The following ZSCAN25 variants were observed in gnomAD, a reference collection of about 807,000 sequenced individuals.
ZSCAN25 encodes zinc finger and SCAN domain containing 25, also known as zinc finger and SCAN domain-containing protein 25.
Under a neutral mutation model 38.7 loss-of-function variants are expected in ZSCAN25, and 27 were observed. The observed-to-expected ratio is 0.70, with a 90% CI of 0.51 to 0.96. ZSCAN25 has a LOEUF of 0.96. Ranked by LOEUF, ZSCAN25 falls within the 40% of genes least tolerant of loss-of-function variation. The probability of loss-of-function intolerance (pLI) is 0.00; values close to 1 mark genes in which losing one functional copy is unlikely to be tolerated. For missense variants in ZSCAN25, 637 were observed against 705.9 expected (o/e 0.90, Z 1.11); for synonymous variants, 273 against 277.7 (o/e 0.98, Z 0.17).
the ZSCAN25 span, among the ~76,000 whole-genome samples, chr7:99,716,125 A>G: frequency 6.6e-6 from 1 of 152,194 alleles, no homozygotes; most frequent in East Asian, 1.9e-4. Context: ...GAGACACTCA[A>G]CTGAGTTAGA....
the ZSCAN25 span, among the ~76,000 whole-genome samples, chr7:99,649,563 AG>A: frequency 6.6e-6 from 1 of 152,024 alleles, no homozygotes; most frequent in South Asian, 2.1e-4. Flanking sequence ...AGAACTAATC[AG>A]GGGTTCACCC....
chr7:99,662,682 A>C, the ZSCAN25 span: 1 of 824,588 alleles, frequency 1.2e-6, no homozygotes, highest in Non-Finnish European at 1.9e-6. The surrounding 1 kb of genome is among the most constrained non-coding windows in gnomAD (Gnocchi z 4.3). Context: ...TACCATTTAT[A>C]ACATCTAAAT....
chr7:99,735,230 G>A, the ZSCAN25 span: 198 of 1,217,178 alleles, frequency 1.6e-4, 2 homozygotes, highest in South Asian at 2.3e-3. Context: ...TTTATATGCT[G>A]GAGAAGGAGG....
the ZSCAN25 span, among the ~76,000 whole-genome samples, chr7:99,670,136 G>C: frequency 1.3e-5 from 2 of 152,110 alleles, no homozygotes; most frequent in African/African-American, 4.8e-5. Flanking sequence ...GTTAAGTCAA[G>C]GCAAAATGTA....
chr7:99,730,859 A>G, the ZSCAN25 span: 1 of 619,812 alleles, frequency 1.6e-6, no homozygotes, highest in African/African-American at 1.9e-5. Context: ...GGGCTGTCCA[A>G]CTGAGGCAAA....
chr7:99,721,339 A>G, the ZSCAN25 span, among the ~76,000 whole-genome samples: 1 of 152,232 alleles, frequency 6.6e-6, no homozygotes, highest in Non-Finnish European at 1.5e-5. Flanking sequence ...TGGTTTCCCA[A>G]TCTGTTTCTC....
the ZSCAN25 span, among the ~76,000 whole-genome samples, chr7:99,694,995 C>A: frequency 4.7e-5 from 7 of 147,854 alleles, no homozygotes; most frequent in East Asian, 2.0e-4. Flanking sequence ...AAAAAAAAAA[C>A]CACAAATTCA....
the ZSCAN25 span, among the ~76,000 whole-genome samples, chr7:99,667,966 C>T: frequency 6.6e-6 from 1 of 152,060 alleles, no homozygotes; most frequent in Non-Finnish European, 1.5e-5. Flanking sequence ...AAATAAAAGG[C>T]ATACAGATTG....
chr7:99,665,434 C>A, the ZSCAN25 span: 1 of 1,376,094 alleles, frequency 7.3e-7, no homozygotes. Context: ...ACTTTCAGAA[C>A]TATCTGCTGA....
At chr7:99,633,921 C>T (rs1003564449), downstream of ZSCAN25, among the ~76,000 whole-genome samples, 1 of 152,162 alleles carries the variant, frequency 6.6e-6, no homozygotes, top group Admixed American at 6.5e-5. Flanking sequence ...GCAAATGTTC[C>T]GTATTTCCTG....
the ZSCAN25 span, chr7:99,666,956 T>C: frequency 5.9e-5 from 95 of 1,613,598 alleles, no homozygotes; most frequent in Non-Finnish European, 7.7e-5. Flanking sequence ...TCATACCTCC[T>C]TGAGTTTTCC....
chr7:99,711,150 T>C, the ZSCAN25 span, among the ~76,000 whole-genome samples: 1 of 152,184 alleles, frequency 6.6e-6, no homozygotes, highest in African/African-American at 2.4e-5. Context: ...CCCTGCCACC[T>C]TCACAGCTGG....
the ZSCAN25 span, among the ~76,000 whole-genome samples, chr7:99,649,429 T>A: frequency 6.6e-6 from 1 of 152,344 alleles, no homozygotes; most frequent in Middle Eastern, 3.4e-3. Context: ...AGATTCTAAA[T>A]CTTTCTTTAA....
chr7:99,667,310 G>T, the ZSCAN25 span, among the ~76,000 whole-genome samples: 1 of 152,190 alleles, frequency 6.6e-6, no homozygotes, highest in African/African-American at 2.4e-5. Context: ...CTATATCTCA[G>T]TCTCCTTTTA....
the ZSCAN25 span, among the ~76,000 whole-genome samples, chr7:99,689,086 T>C: frequency 2.0e-5 from 3 of 151,892 alleles, no homozygotes; most frequent in African/African-American, 7.3e-5. Flanking sequence ...AAATTGACAC[T>C]CTAACATCAC....
At chr7:99,677,970 T>C in the ZSCAN25 span, among the ~76,000 whole-genome samples, 1 of 152,208 alleles carries the variant, frequency 6.6e-6, no homozygotes, top group Non-Finnish European at 1.5e-5. Context: ...GCGAACTCTT[T>C]AGTTTCTTTC....
At chr7:99,724,784 C>A in the ZSCAN25 span, among the ~76,000 whole-genome samples, 1 of 152,158 alleles carries the variant, frequency 6.6e-6, no homozygotes, top group Non-Finnish European at 1.5e-5. Flanking sequence ...CTCTATCGAC[C>A]TCTCCCAGAT....
the ZSCAN25 span, chr7:99,714,531 C>T: frequency 6.2e-7 from 1 of 1,611,362 alleles, no homozygotes; most frequent in East Asian, 2.2e-5. Context: ...TAAACATCCT[C>T]CTATAACTAC....
the ZSCAN25 span, among the ~76,000 whole-genome samples, chr7:99,683,103 C>G: frequency 6.6e-6 from 1 of 152,154 alleles, no homozygotes; most frequent in South Asian, 2.1e-4. Flanking sequence ...CCAAACATTA[C>G]TTGGAAATCA....
Sources: allele counts gnomAD v4.1 joint callset (sites outside exome capture counted in the v4.1 genomes callset), GRCh38; gene constraint gnomAD v4.1.1; non-coding constraint Gnocchi (gnomAD v3.1); transcripts MANE v1.5; gene names NCBI Gene and HGNC (gene_info 2026-07-23, HGNC 2026-07-21).